The following IGDCC3 variants were observed in gnomAD, a reference collection of about 807,000 sequenced individuals.
IGDCC3 encodes immunoglobulin superfamily DCC subclass member 3.
A neutral mutation model predicts 72.0 loss-of-function variants in IGDCC3; 47 were observed. The ratio of observed to expected loss-of-function variants is 0.65; its 90% CI spans 0.52 to 0.83. IGDCC3 has a LOEUF of 0.83. IGDCC3 is among the 40% of genes least tolerant of loss of function. IGDCC3 has a pLI of 0.00. For missense variants in IGDCC3, 1,038 were observed against 1,091.3 expected (o/e 0.95, Z 0.69); for synonymous variants, 477 against 472.8 (o/e 1.01, Z -0.11).
intron 2 of IGDCC3, among the ~76,000 whole-genome samples, chr15:65,370,506 CAAAA>C (rs201261288): frequency 1.0e-3 from 34 of 33,130 alleles, no homozygotes; most frequent in African/African-American, 2.6e-3. Flanking sequence ...GACTTGGTCT[CAAAA>C]AAAAAATATA....
chr15:65,362,406 G>T (rs1478460695), intron 2 of IGDCC3, among the ~76,000 whole-genome samples: 1 of 152,174 alleles, frequency 6.6e-6, no homozygotes, highest in African/African-American at 2.4e-5. Flanking sequence ...TCAGGGTCAA[G>T]TCCAAGCTCC....
rs543387351 is a variant in IGDCC3 at position 65,335,246 on chromosome 15, G to A, written c.685+45C>T. On this transcript the variant is annotated intron_variant, in intron 4 of 13. Coordinates refer to ENST00000327987, the MANE Select transcript of IGDCC3 (RefSeq NM_004884.4). ...TTGATCTAAGGGTAGGGAGGAGGAGGAGGCCAGGTGGGGAGGTTGGGGGAA... is the reference window on the plus strand; with the variant it reads ...TTGATCTAAGGGTAGGGAGGAGGAGAAGGCCAGGTGGGGAGGTTGGGGGAA... 10 of 1,571,924 alleles carry A rather than the reference G, an allele frequency of 6.4e-6. No homozygotes were observed. In the South Asian group the frequency reaches 7.2e-5, roughly 11 times the overall value.
chr15:65,331,255 G>A lies in IGDCC3; in HGVS notation c.1397-41C>T, dbSNP rs201724272. ...GTGGGCAGGGGAGTGTGAAGGACTG[G>A]GGGAGTCCTGCCAGCATTGGTGAAA... is the stretch of plus-strand genomic sequence containing the variant. On this transcript the variant is annotated intron_variant, in intron 8 of 13. Coordinates refer to ENST00000327987, the MANE Select transcript of IGDCC3 (RefSeq NM_004884.4). 2,076 of 1,602,368 alleles carry A rather than the reference G, an allele frequency of 1.3e-3. 1 individual carries two copies. Among genetic ancestry groups the A allele is most frequent in the Non-Finnish European group, 1.5e-3 (1,719 of 1,172,998 alleles).
At chr15:65,357,118 C>G (rs1471466468) in intron 2 of IGDCC3, among the ~76,000 whole-genome samples, 1 of 151,930 alleles carries the variant, frequency 6.6e-6, no homozygotes, top group Non-Finnish European at 1.5e-5. Context: ...TCCCAAAGTG[C>G]TGGGATTACG....
intron 2 of IGDCC3, among the ~76,000 whole-genome samples, chr15:65,357,814 A>T (rs2091234773): frequency 6.6e-6 from 1 of 152,230 alleles, no homozygotes; most frequent in Non-Finnish European, 1.5e-5. Context: ...CTAAGACTCT[A>T]GGCCCTTAAG....
At chr15:65,351,505 G>A (rs2091173259) in intron 2 of IGDCC3, among the ~76,000 whole-genome samples, 2 of 147,836 alleles carry the variant, frequency 1.4e-5, no homozygotes, top group African/African-American at 5.0e-5. Context: ...CTGCATTCCA[G>A]CCTGGGCGAC....
intron 2 of IGDCC3, among the ~76,000 whole-genome samples, chr15:65,370,616 A>ATG (rs56053228): frequency 2.2e-4 from 24 of 108,094 alleles, no homozygotes; most frequent in African/African-American, 7.7e-4. Context: ...ATATATATGT[A>ATG]TGTGTATATA....
intron 2 of IGDCC3, chr15:65,356,354 G>A (rs1166666766): frequency 1.3e-5 from 2 of 152,394 alleles, no homozygotes; most frequent in Non-Finnish European, 2.9e-5. Context: ...GGGACTAGAG[G>A]AGTCGGGAAG....
intron 8 of IGDCC3, 38 bp from the exon 9 acceptor site, chr15:65,331,252 C>T: frequency 6.2e-7 from 1 of 1,605,846 alleles, no homozygotes; most frequent in Non-Finnish European, 8.5e-7. Context: ...GTGTGAAGGA[C>T]TGGGGGAGTC....
intron 2 of IGDCC3, among the ~76,000 whole-genome samples, chr15:65,340,309 G>C (rs374629422): frequency 1.3e-5 from 2 of 152,158 alleles, no homozygotes; most frequent in Non-Finnish European, 2.9e-5. Context: ...GCAAAGGGTC[G>C]AGGTAGAGTG....
At chr15:65,364,520 T>C (rs529774872) in intron 2 of IGDCC3, among the ~76,000 whole-genome samples, 1 of 152,168 alleles carries the variant, frequency 6.6e-6, no homozygotes, top group South Asian at 2.1e-4. Context: ...CTCTGCAATC[T>C]GCCATGGAGG....
chr15:65,370,523 T>G (rs1429549529), intron 2 of IGDCC3, among the ~76,000 whole-genome samples: 1,837 of 140,256 alleles, frequency 0.013, 67 homozygotes, highest in African/African-American at 0.046. Flanking sequence ...AAAATATATA[T>G]ATATATATAT....
At chr15:65,367,777 T>C (rs2091297019) in intron 2 of IGDCC3, among the ~76,000 whole-genome samples, 1 of 152,066 alleles carries the variant, frequency 6.6e-6, no homozygotes, top group African/African-American at 2.4e-5. Flanking sequence ...CGCTCCAGCT[T>C]TCTAGCCTGG....
At chr15:65,364,980 G>GT (rs2091281639) in intron 2 of IGDCC3, among the ~76,000 whole-genome samples, 1 of 152,222 alleles carries the variant, frequency 6.6e-6, no homozygotes, top group Non-Finnish European at 1.5e-5. Context: ...GCAGTGAAGA[G>GT]TGAGGCACTG....
chr15:65,337,981 G>A (rs996286454), intron 2 of IGDCC3, among the ~76,000 whole-genome samples: 2 of 152,208 alleles, frequency 1.3e-5, no homozygotes, highest in African/African-American at 2.4e-5. Context: ...AGTGCTAGGA[G>A]CTGGCCTGAG....
At chr15:65,342,386 CA>C (rs112033446) in intron 2 of IGDCC3, among the ~76,000 whole-genome samples, 1,363 of 126,258 alleles carry the variant, frequency 0.011, 11 homozygotes, top group East Asian at 0.025. Context: ...AACTCCGTCT[CA>C]AAAAAAAAAA....
intron 2 of IGDCC3, chr15:65,373,607 G>A (rs1010595247): frequency 1.3e-5 from 2 of 152,776 alleles, no homozygotes; most frequent in African/African-American, 2.4e-5. Flanking sequence ...GGAAAGAGGC[G>A]GCGTGCCACG....
intron 2 of IGDCC3, among the ~76,000 whole-genome samples, chr15:65,368,159 C>T (rs1054868336): frequency 2.4e-5 from 1 of 41,978 alleles, no homozygotes; most frequent in African/African-American, 6.6e-5. Context: ...CTCTCTTTCA[C>T]TCACACACAC....
chr15:65,334,572 A>G (rs938624201), intron 5 of IGDCC3, 156 bp downstream of exon 5: 2 of 716,024 alleles, frequency 2.8e-6, no homozygotes, highest in African/African-American at 3.7e-5. Context: ...GGAGAGGGAA[A>G]CTTACCCTCT....
Sources: gnomAD v4.1 joint callset for allele counts (sites outside exome capture counted in the v4.1 genomes callset) on GRCh38, gnomAD v4.1.1 for gene constraint, MANE v1.5 for transcripts, NCBI Gene and HGNC (gene_info 2026-07-23, HGNC 2026-07-21) for gene names.